The following RBMS3 variants were observed in gnomAD, a reference collection of about 807,000 sequenced individuals.
The protein encoded by RBMS3 is RNA binding motif single stranded interacting protein 3.
Under a neutral mutation model 66.8 loss-of-function variants are expected in RBMS3, and 27 were observed. That is an observed-to-expected ratio of 0.40 (90% CI 0.30 to 0.56). The LOEUF (loss-of-function observed/expected upper bound fraction) is 0.56. Ranked by LOEUF, RBMS3 falls within the 20% of genes least tolerant of loss-of-function variation. The pLI, the probability that RBMS3 is intolerant of heterozygous loss-of-function variation, is 0.40. For synonymous variants in RBMS3, 188 were observed against 183.0 expected (o/e 1.03, Z -0.22); for missense variants, 513 against 549.5 (o/e 0.93, Z 0.66).
At chr3:29,286,150 T>A (rs2125414090) in intron 1 of RBMS3, among the ~76,000 whole-genome samples, 1 of 152,258 alleles carries the variant, frequency 6.6e-6, no homozygotes, top group East Asian at 1.9e-4. Flanking sequence ...TTTCTTTCGC[T>A]TCGGGGGGTA....
At chr3:29,692,967 T>G (rs2052099364) in intron 4 of RBMS3, among the ~76,000 whole-genome samples, 1 of 152,210 alleles carries the variant, frequency 6.6e-6, no homozygotes, top group Non-Finnish European at 1.5e-5. Context: ...TGCTAAATAT[T>G]TTTTTAAATC....
At chr3:29,915,019 T>G (rs1272212151) in intron 10 of RBMS3, among the ~76,000 whole-genome samples, 1 of 151,850 alleles carries the variant, frequency 6.6e-6, no homozygotes, top group African/African-American at 2.4e-5. Flanking sequence ...TAAGAAAAAT[T>G]TAAAAGTCCA....
At chr3:29,301,547 A>T (rs2033671495) in intron 1 of RBMS3, among the ~76,000 whole-genome samples, 1 of 151,896 alleles carries the variant, frequency 6.6e-6, no homozygotes, top group African/African-American at 2.4e-5. Flanking sequence ...TGCTCTAATG[A>T]TCCTTTAGTG....
intron 1 of RBMS3, among the ~76,000 whole-genome samples, chr3:29,358,172 GT>G (rs1191522039): frequency 6.6e-6 from 1 of 152,254 alleles, no homozygotes; most frequent in East Asian, 1.9e-4. Context: ...AGATTTTATG[GT>G]TTTAGGTCTA....
chr3:29,725,227 C>A (rs1482754868), intron 4 of RBMS3, among the ~76,000 whole-genome samples: 1 of 152,158 alleles, frequency 6.6e-6, no homozygotes. Context: ...CATTGATAGC[C>A]TAGGCACTCT....
chr3:29,860,900 C>T (rs925798647), intron 6 of RBMS3, among the ~76,000 whole-genome samples: 2 of 152,124 alleles, frequency 1.3e-5, no homozygotes, highest in East Asian at 1.9e-4. Context: ...GGCAGAGCCT[C>T]GCTCTGTTGC....
intron 1 of RBMS3, among the ~76,000 whole-genome samples, chr3:29,417,069 T>C (rs996831284): frequency 6.6e-6 from 1 of 152,078 alleles, no homozygotes; most frequent in Non-Finnish European, 1.5e-5. Flanking sequence ...ATTACTCTCA[T>C]ATAAAGAGAC....
At chr3:29,293,933 A>G (rs17023197) in intron 1 of RBMS3, among the ~76,000 whole-genome samples, 4,032 of 150,630 alleles carry the variant, frequency 0.027, 197 homozygotes, top group African/African-American at 0.093. Context: ...TTTACAAGGT[A>G]CAGTGGGATT....
intron 6 of RBMS3, among the ~76,000 whole-genome samples, chr3:29,772,747 G>A (rs1016163004): frequency 6.6e-6 from 1 of 151,926 alleles, no homozygotes; most frequent in Non-Finnish European, 1.5e-5. Flanking sequence ...TCAGTAAGCT[G>A]ACTAAAGTAA....
intron 10 of RBMS3, among the ~76,000 whole-genome samples, chr3:29,928,432 C>A (rs193206453): frequency 6.6e-6 from 1 of 151,626 alleles, no homozygotes; most frequent in East Asian, 1.9e-4. Flanking sequence ...AGTGTCATAG[C>A]TTTATAGTCT....
chr3:29,317,253 G>A (rs2034737107), intron 1 of RBMS3, among the ~76,000 whole-genome samples: 1 of 151,842 alleles, frequency 6.6e-6, no homozygotes, highest in South Asian at 2.1e-4. Context: ...ATAGAGTTGA[G>A]CAATGATATA....
rs186409477 is a variant in RBMS3, at chr3:29,748,622, A to T, written c.557+8745A>T. 1.8e-4 allele frequency among the ~76,000 whole-genome samples: 28 copies of T among 152,276 alleles called. No homozygotes were observed. The East Asian group carries it at 3.7e-3, about 20-fold the overall frequency. On this transcript the variant is annotated intron_variant, in intron 5 of 14. Coordinates refer to ENST00000383767, the MANE Select transcript of RBMS3 (RefSeq NM_001003793.3). The stretch of plus-strand genomic sequence containing the variant: ...GGAACAAAAATGCCTTTAAAAAACT[A>T]CCCTGGGCATGGATGCTGTGAGGAG...
chr3:29,592,218 A>C (rs2149101794), intron 4 of RBMS3, among the ~76,000 whole-genome samples: 1 of 152,048 alleles, frequency 6.6e-6, no homozygotes, highest in Non-Finnish European at 1.5e-5. Flanking sequence ...ACACACAATG[A>C]ATTTACAAAA....
In RBMS3 at chr3:29,988,144, A is replaced by G. The variant is rs777667507; in HGVS notation, c.1100A>G (p.Tyr367Cys). 4.3e-6 allele frequency: 7 copies of G among 1,610,298 alleles called. No homozygotes were observed. The highest frequency in any genetic ancestry group is 5.9e-6 in the Non-Finnish European group (7 of 1,176,614). The change falls in exon 13 of 15, where the codon TAT (tyrosine) becomes TGT (cysteine). Residue 367 changes from tyrosine (Y) to cysteine (C), a missense_variant and splice_region_variant. Physicochemically the swap from Tyr to Cys is radical, Grantham distance 194. Coordinates refer to ENST00000383767, the MANE Select transcript of RBMS3 (RefSeq NM_001003793.3). ...IMILHQLLCQ[Y>C]MTAAAPMQGT... is the part of the protein sequence containing the mutation. ...GCATTTTTCTTTGATTCTCTCTAGTATATGACTGCTGCTGCTCCTATGCAA... is the reference window on the plus strand; with the variant it reads ...GCATTTTTCTTTGATTCTCTCTAGTGTATGACTGCTGCTGCTCCTATGCAA...
chr3:29,933,758 T>A (rs963604316), intron 10 of RBMS3: 1 of 152,132 alleles, frequency 6.6e-6, no homozygotes, highest in Non-Finnish European at 1.5e-5. Context: ...TGTTGCTATT[T>A]ACAATTCCAA....
At chr3:29,375,271 G>T (rs2038408366) in intron 1 of RBMS3, among the ~76,000 whole-genome samples, 1 of 152,102 alleles carries the variant, frequency 6.6e-6, no homozygotes, top group Non-Finnish European at 1.5e-5. Flanking sequence ...GAAAATCTAG[G>T]CAATAACATT....
At chr3:29,847,867 A>G (rs2058827119) in intron 6 of RBMS3, among the ~76,000 whole-genome samples, 1 of 152,098 alleles carries the variant, frequency 6.6e-6, no homozygotes, top group Non-Finnish European at 1.5e-5. Context: ...CGTGTTAACC[A>G]GGATAGTCTC....
intron 4 of RBMS3, among the ~76,000 whole-genome samples, chr3:29,717,845 G>T (rs17550007): frequency 0.35 from 53,223 of 151,760 alleles, 9,413 homozygotes; most frequent in East Asian, 0.44. Flanking sequence ...TCTTCATTAT[G>T]CCCCGTGGCT....
intron 3 of RBMS3, among the ~76,000 whole-genome samples, chr3:29,557,925 A>G (rs929033120): frequency 1.3e-5 from 2 of 152,212 alleles, no homozygotes; most frequent in Non-Finnish European, 2.9e-5. Context: ...ACTGTTTATC[A>G]TACTTAATCT....
Sources: allele counts gnomAD v4.1 joint callset (sites outside exome capture counted in the v4.1 genomes callset), GRCh38; gene constraint gnomAD v4.1.1; transcripts MANE v1.5; gene names NCBI Gene and HGNC (gene_info 2026-07-23, HGNC 2026-07-21).